Variants in ARSF observed in about 807,000 individuals in gnomAD.
The protein encoded by ARSF is arylsulfatase F.
A neutral mutation model predicts 35.4 loss-of-function variants in ARSF; 33 were observed. That is an observed-to-expected ratio of 0.93 (90% CI 0.71 to 1.25). The LOEUF is 1.25. ARSF is among the 50% of genes most tolerant of loss of function. The pLI, the probability that ARSF is intolerant of heterozygous loss-of-function variation, is 0.00. For synonymous variants in ARSF, 222 were observed against 193.1 expected (o/e 1.15, Z -1.24); for missense variants, 501 against 480.2 (o/e 1.04, Z -0.40).
At chrX:3,040,364 C>A (rs2089950504), upstream of ARSF, among the ~76,000 whole-genome samples, 1 of 110,730 alleles carries the variant, frequency 9.0e-6, no homozygotes, top group Admixed American at 9.7e-5. Flanking sequence ...CAGCTCTGGA[C>A]CTTCCATTTG....
chrX:3,081,640 T>C (rs2090202685), intron 5 of ARSF, among the ~76,000 whole-genome samples: 1 of 111,995 alleles, frequency 8.9e-6, no homozygotes, highest in South Asian at 3.7e-4. Flanking sequence ...CCTAGTCTGA[T>C]TCTTCACACA....
At chrX:3,046,566 T>G (rs774706497) in intron 1 of ARSF, among the ~76,000 whole-genome samples, 1 of 111,758 alleles carries the variant, frequency 8.9e-6, no homozygotes, top group Non-Finnish European at 1.9e-5. Flanking sequence ...GGGAATTTCG[T>G]TCACTGGATA....
At chrX:3,040,326 T>C (rs1338249949), upstream of ARSF, among the ~76,000 whole-genome samples, 1 of 111,358 alleles carries the variant, frequency 9.0e-6, no homozygotes, top group Non-Finnish European at 1.9e-5. Flanking sequence ...TTTAGGTTTC[T>C]CCTCCAGTGG....
At chrX:3,081,945 G>A (rs1000887989) in intron 5 of ARSF, among the ~76,000 whole-genome samples, 3 of 111,229 alleles carry the variant, frequency 2.7e-5, no homozygotes, top group African/African-American at 9.8e-5. Flanking sequence ...CTGTTGATAA[G>A]AGAAGGCAAT....
intron 8 of ARSF, among the ~76,000 whole-genome samples, chrX:3,101,619 A>G (rs1490073464): frequency 9.0e-6 from 1 of 111,600 alleles, no homozygotes; most frequent in Non-Finnish European, 1.9e-5. Context: ...GGGATCCTTC[A>G]TCATTAAGAA....
chrX:3,095,573 G>A (rs1039501447), intron 7 of ARSF, among the ~76,000 whole-genome samples: 12 of 108,543 alleles, frequency 1.1e-4, no homozygotes, highest in Non-Finnish European at 2.1e-4. Context: ...AACTTTCTGG[G>A]GTTTCCAACA....
At chrX:3,079,467 C>T (rs1283308451) in intron 4 of ARSF, among the ~76,000 whole-genome samples, 1 of 107,463 alleles carries the variant, frequency 9.3e-6, no homozygotes, top group African/African-American at 3.4e-5. Context: ...GCCTCAGCCT[C>T]CTGAGTAGCT....
intron 7 of ARSF, among the ~76,000 whole-genome samples, chrX:3,100,232 C>A (rs1000211947): frequency 3.6e-5 from 4 of 112,345 alleles, no homozygotes; most frequent in African/African-American, 1.3e-4. Flanking sequence ...TCTAAATCAT[C>A]TGCAAGAATA....
intron 9 of ARSF, among the ~76,000 whole-genome samples, chrX:3,106,052 C>T (rs1350549717): frequency 9.0e-6 from 1 of 111,480 alleles, no homozygotes; most frequent in Non-Finnish European, 1.9e-5. Context: ...GTGCATTCGG[C>T]GCCATGAGAT....
chrX:3,103,655 T>C (rs767059892), intron 8 of ARSF, 107 bp from the exon 9 acceptor site: 5 of 939,499 alleles, frequency 5.3e-6, no homozygotes, highest in Non-Finnish European at 7.4e-6. Context: ...GAGTAGACAC[T>C]ATACAAATGT....
rs1351784419 is a variant in ARSF at position 3,110,070 on chromosome X, T to A, written c.1266-58T>A. The A allele has an allele frequency of 2.8e-6, 3 of 1,084,530 alleles. No homozygotes were observed. The African/African-American group carries it at 5.6e-5, about 20-fold the overall frequency. 89.4% of individuals were successfully genotyped at this position (1,084,530 alleles called of 1,213,427 possible). The stretch of plus-strand genomic sequence containing the variant: ...TTCACCAAGTACCCTTCAGGTAGCT[T>A]GGGACCCAACGTCCCTTCTCCTCAT... On this transcript the variant is annotated intron_variant, in intron 9 of 10. Coordinates refer to ENST00000381127, the MANE Select transcript of ARSF (RefSeq NM_001201539.2).
chrX:3,093,352 C>T (rs961908605), intron 7 of ARSF, among the ~76,000 whole-genome samples: 10 of 111,636 alleles, frequency 9.0e-5, no homozygotes, highest in African/African-American at 2.9e-4. Flanking sequence ...ACAATAGCTC[C>T]TGTCACCCAG....
chrX:3,066,714 G>A (rs1047972697), intron 1 of ARSF: 1 of 111,236 alleles, frequency 9.0e-6, no homozygotes, highest in Admixed American at 9.6e-5. Flanking sequence ...CCATCTGGGT[G>A]AGCCTAGCAG....
rs768569163 is a variant in ARSF at position 3,076,601 on chromosome X, TCTCTGCCGCCTCC to T, written c.222_234del (p.Ser76GlnfsTer7). ...GAAGGCGTGCGACTGACTCAGCACA[TCTCTGCCGCCTCC>T]CTCTGCAGCCCAAGCCGGTCCGCGT... On this transcript the variant is annotated frameshift_variant, in exon 4 of 11. Coordinates refer to ENST00000381127, the MANE Select transcript of ARSF (RefSeq NM_001201539.2). LOFTEE classifies it high-confidence loss of function. 2.6e-5 allele frequency: 32 copies of T among 1,208,586 alleles called. No homozygotes were observed. The African/African-American group carries it at 3.3e-4, about 13-fold the overall frequency.
At chrX:3,051,038 C>G in intron 1 of ARSF, among the ~76,000 whole-genome samples, 1 of 111,148 alleles carries the variant, frequency 9.0e-6, no homozygotes, top group Non-Finnish European at 1.9e-5. Flanking sequence ...GTTTAATAAC[C>G]GCCTGATGCT....
intron 7 of ARSF, among the ~76,000 whole-genome samples, 195 bp downstream of exon 7, chrX:3,089,827 C>T (rs1603464767): frequency 1.8e-5 from 2 of 112,486 alleles, no homozygotes; most frequent in Non-Finnish European, 3.8e-5. Context: ...CCTCTCCTTT[C>T]TTTGCATGCT....
chrX:3,042,117 A>G (rs1401263710), intron 1 of ARSF, among the ~76,000 whole-genome samples: 1 of 112,261 alleles, frequency 8.9e-6, no homozygotes, highest in African/African-American at 3.2e-5. Flanking sequence ...TTTTTGAGAA[A>G]TAAGACGTTT....
chrX:3,079,955 T>C (rs1405696563), intron 4 of ARSF, among the ~76,000 whole-genome samples: 3 of 70,808 alleles, frequency 4.2e-5, no homozygotes, highest in Non-Finnish European at 7.4e-5. Context: ...TGAGATTTCA[T>C]GTCAACAACA....
Position 3,080,772 on chromosome X carries a change from C to T in ARSF, c.284-119C>T, listed in dbSNP as rs187794518. On this transcript the variant is annotated intron_variant, in intron 4 of 10. Coordinates refer to ENST00000381127, the MANE Select transcript of ARSF (RefSeq NM_001201539.2). ...TCCTGACCTCATCCCCTCCTAAAAG[C>T]CCTACCTCCTAACCATTACCTTGCA... 1.7e-5 allele frequency: 15 copies of T among 901,674 alleles called. No homozygotes were observed. In the African/African-American group the frequency reaches 3.0e-4, roughly 18 times the overall value. The allele number at this position is 901,674 out of a possible 1,213,427, so 74.3% of individuals were successfully genotyped here. A position where few individuals can be genotyped will look rare whatever the true frequency, so the allele number is the denominator to read the frequency against.
Sources: allele counts gnomAD v4.1 joint callset (sites outside exome capture counted in the v4.1 genomes callset), GRCh38; gene constraint gnomAD v4.1.1; transcripts MANE v1.5; gene names NCBI Gene and HGNC (gene_info 2026-07-23, HGNC 2026-07-21).